The following HPF1 variants were observed in gnomAD, a reference collection of about 807,000 sequenced individuals.
HPF1 encodes UPF0609 protein C4orf27.
A neutral mutation model predicts 38.8 loss-of-function variants in HPF1; 35 were observed. The observed-to-expected ratio is 0.90, with a 90% confidence interval of 0.69 to 1.19. The LOEUF (loss-of-function observed/expected upper bound fraction) is 1.19. HPF1 is among the 50% of genes most tolerant of loss of function. The pLI is 0.00. For missense variants in HPF1, 367 were observed against 405.8 expected (o/e 0.90, Z 0.82); for synonymous variants, 115 against 139.2 (o/e 0.83, Z 1.22).
At chr4:169,737,388 A>G (rs779675711) in intron 6 of HPF1, among the ~76,000 whole-genome samples, 5 of 152,150 alleles carry the variant, frequency 3.3e-5, no homozygotes, top group Non-Finnish European at 7.4e-5. Context: ...TTACACCACA[A>G]ATTCCTTTAT....
chr4:169,740,585 GA>G (rs1733956215), intron 5 of HPF1, among the ~76,000 whole-genome samples: 1 of 152,112 alleles, frequency 6.6e-6, no homozygotes, highest in Non-Finnish European at 1.5e-5. Context: ...AACAATAAAA[GA>G]ACAACCTTGC....
intron 6 of HPF1, among the ~76,000 whole-genome samples, chr4:169,732,227 G>A (rs1435964158): frequency 6.8e-6 from 1 of 146,258 alleles, no homozygotes; most frequent in Non-Finnish European, 1.5e-5. Context: ...TGCAACCTCT[G>A]CCTCCCAGGT....
intron 6 of HPF1, among the ~76,000 whole-genome samples, chr4:169,732,896 T>C (rs1278838616): frequency 6.6e-6 from 1 of 152,248 alleles, no homozygotes; most frequent in Non-Finnish European, 1.5e-5. Context: ...AGGATGTGCG[T>C]AAGTTATGCA....
At chr4:169,750,462 G>A in intron 3 of HPF1, 74 bp downstream of exon 3, 13 of 1,096,174 alleles carry the variant, frequency 1.2e-5, no homozygotes, top group South Asian at 1.8e-5. Context: ...CCTTGGGTGA[G>A]GCTAGTGAAT....
intron 6 of HPF1, among the ~76,000 whole-genome samples, chr4:169,734,244 T>C (rs1733866338): frequency 6.6e-6 from 1 of 152,170 alleles, no homozygotes; most frequent in African/African-American, 2.4e-5. Context: ...AGATGAAGCT[T>C]TCTCCAAAAA....
chr4:169,755,836 G>C (rs988932154), intron 1 of HPF1, among the ~76,000 whole-genome samples: 1 of 152,186 alleles, frequency 6.6e-6, no homozygotes, highest in Non-Finnish European at 1.5e-5. Context: ...AAGGCTGAAC[G>C]GATAGGAGAG....
At chr4:169,754,809 C>A (rs1475951460) in intron 1 of HPF1, among the ~76,000 whole-genome samples, 2 of 152,138 alleles carry the variant, frequency 1.3e-5, no homozygotes, top group Non-Finnish European at 2.9e-5. Context: ...TGCTCAACAT[C>A]CTATAATGCC....
chr4:169,733,828 C>T (rs1408853115), intron 6 of HPF1, among the ~76,000 whole-genome samples: 1 of 149,650 alleles, frequency 6.7e-6, no homozygotes, highest in Non-Finnish European at 1.5e-5. Flanking sequence ...GCAGGAGGTG[C>T]AGGCTGCAGT....
intron 3 of HPF1, among the ~76,000 whole-genome samples, chr4:169,749,511 G>C (rs1320520371): frequency 2.6e-5 from 4 of 152,004 alleles, no homozygotes; most frequent in Non-Finnish European, 5.9e-5. Flanking sequence ...TTTTTCATCA[G>C]CTCCTCAGTA....
At chr4:169,743,595 A>T (rs544283473) in intron 4 of HPF1, among the ~76,000 whole-genome samples, 13 of 152,040 alleles carry the variant, frequency 8.6e-5, no homozygotes, top group Non-Finnish European at 1.8e-4. Context: ...TCTCAAAAGT[A>T]TGTGAATATA....
chr4:169,752,654 T>G (rs1361340361), intron 2 of HPF1, among the ~76,000 whole-genome samples: 3 of 152,214 alleles, frequency 2.0e-5, no homozygotes, highest in Non-Finnish European at 4.4e-5. Flanking sequence ...TCAGGCATGA[T>G]AGTTTATTAT....
At chr4:169,749,208 G>C (rs1164051104) in intron 3 of HPF1, among the ~76,000 whole-genome samples, 1 of 152,070 alleles carries the variant, frequency 6.6e-6, no homozygotes, top group African/African-American at 2.4e-5. Context: ...CATCACTAAA[G>C]TATTATAAAT....
rs762475609 is a variant in HPF1, at chr4:169,729,560, C to T, written c.*18G>A. Reference sequence around the variant, plus strand: ...ACTAGTCCTTTGAAATACTGTACACCAATCAAAGCCACCTTACTCATGCAG... The same window carrying T: ...ACTAGTCCTTTGAAATACTGTACACTAATCAAAGCCACCTTACTCATGCAG... On this transcript the variant is annotated 3_prime_UTR_variant, in exon 8 of 8. Transcript: ENST00000393381. The T allele has an allele frequency of 6.7e-7, 1 of 1,488,426 alleles. No homozygotes were observed. The highest frequency in any genetic ancestry group is 8.9e-7 in the Non-Finnish European group (1 of 1,117,658). The allele number at this position is 1,488,426 out of a possible 1,614,324, so 92.2% of individuals were successfully genotyped here.
At chr4:169,747,859 G>A (rs1163779482) in intron 4 of HPF1, among the ~76,000 whole-genome samples, 1 of 152,256 alleles carries the variant, frequency 6.6e-6, no homozygotes, top group African/African-American at 2.4e-5. Flanking sequence ...TGCAGCAGCT[G>A]TAGCTGAGAT....
At chr4:169,751,510 T>A (rs555365040) in intron 2 of HPF1, among the ~76,000 whole-genome samples, 2 of 151,218 alleles carry the variant, frequency 1.3e-5, no homozygotes, top group African/African-American at 4.8e-5. Context: ...TGGCCAACCC[T>A]AACCCTGGAT....
chr4:169,754,134 A>G (rs1236848283), intron 1 of HPF1, among the ~76,000 whole-genome samples: 2 of 152,252 alleles, frequency 1.3e-5, no homozygotes, highest in Non-Finnish European at 2.9e-5. Context: ...AGAGAGGAAT[A>G]AAGAAAGGGC....
At position 169,746,028 on chromosome 4, in the gene HPF1, G is replaced by T. The variant is rs182036205; in HGVS notation, c.497+2716C>A. ...TTTAGGAAAATAAATAAGGCAGAAGGAAAAAAAAAATCATTCCTTTGTTGT... is the reference window on the plus strand; with the variant it reads ...TTTAGGAAAATAAATAAGGCAGAAGTAAAAAAAAAATCATTCCTTTGTTGT... On this transcript the variant is annotated intron_variant, in intron 4 of 7. Transcript: ENST00000393381. Among the ~76,000 whole-genome samples, 887 of 148,846 alleles carry T rather than the reference G, an allele frequency of 6.0e-3. 10 individuals carry two copies. Among genetic ancestry groups the T allele is most frequent in the African/African-American group, 0.02 (823 of 40,702 alleles).
chr4:169,730,232 C>T (rs370478615), intron 7 of HPF1, among the ~76,000 whole-genome samples: 1 of 152,204 alleles, frequency 6.6e-6, no homozygotes, highest in African/African-American at 2.4e-5. Flanking sequence ...CATATACCAC[C>T]GTTTTGCTGA....
intron 5 of HPF1, among the ~76,000 whole-genome samples, chr4:169,738,556 T>A (rs1331723924): frequency 6.6e-6 from 1 of 152,208 alleles, no homozygotes; most frequent in Non-Finnish European, 1.5e-5. Context: ...TAAGTCTCTA[T>A]ATCTTAAAGA....
Sources: allele counts gnomAD v4.1 joint callset (sites outside exome capture counted in the v4.1 genomes callset), GRCh38; gene constraint gnomAD v4.1.1; transcripts MANE v1.5; gene names NCBI Gene and HGNC (gene_info 2026-07-23, HGNC 2026-07-21).